PGAP2: variants seen among roughly 807,000 people sequenced by gnomAD.
The protein encoded by PGAP2 is post-GPI attachment to proteins 2, also known as acyltransferase PGAP2.
Under a neutral mutation model 33.2 loss-of-function variants are expected in PGAP2, and 21 were observed. The ratio of observed to expected loss-of-function variants is 0.63; its 90% CI spans 0.45 to 0.91. The LOEUF (loss-of-function observed/expected upper bound fraction) is 0.91. Among genes scored for constraint, PGAP2 ranks in the 40% least tolerant of loss-of-function variants. The pLI, the probability that PGAP2 is intolerant of heterozygous loss-of-function variation, is 0.00. For missense variants in PGAP2, 345 were observed against 424.0 expected (o/e 0.81, Z 1.64); for synonymous variants, 161 against 172.9 (o/e 0.93, Z 0.54).
At chr11:3,798,065 CAG>C (rs1254948249) in intron 1 of PGAP2, 21 of 1,510,782 alleles carry the variant, frequency 1.4e-5, no homozygotes, top group Admixed American at 1.2e-4. Flanking sequence ...ACTTCCCGCC[CAG>C]ACCACGTGCG....
At chr11:3,824,755 T>C (rs577225560) in intron 5 of PGAP2, 1 of 1,382,718 alleles carries the variant, frequency 7.2e-7, no homozygotes, top group Admixed American at 2.9e-5. Flanking sequence ...GTGGGGTTGG[T>C]GGGTGACTCC....
chr11:3,822,612 C>T (rs113421940), intron 3 of PGAP2, among the ~76,000 whole-genome samples: 4,996 of 152,038 alleles, frequency 0.033, 286 homozygotes, highest in African/African-American at 0.11. Flanking sequence ...CCAGCCTAGG[C>T]GACAGAGTGA....
At chr11:3,808,333 C>T, upstream of PGAP2, 12 of 1,551,376 alleles carry the variant, frequency 7.7e-6, no homozygotes, top group Non-Finnish European at 1.0e-5. Context: ...GACAAGGTGG[C>T]TTATCCAACA....
upstream of PGAP2, among the ~76,000 whole-genome samples, chr11:3,806,671 T>C (rs569141646): frequency 3.9e-5 from 6 of 152,334 alleles, no homozygotes; most frequent in Middle Eastern, 6.8e-3. Flanking sequence ...GGTTCTGGCA[T>C]GTATTAGCTG....
upstream of PGAP2, chr11:3,808,316 G>C (rs952965894): frequency 2.6e-6 from 4 of 1,551,528 alleles, no homozygotes; most frequent in Non-Finnish European, 3.5e-6. Flanking sequence ...CAGCTGAGAG[G>C]TAAGGCGACA....
At chr11:3,823,507 G>T in intron 3 of PGAP2, 2 of 1,195,344 alleles carry the variant, frequency 1.7e-6, no homozygotes, top group Non-Finnish European at 2.4e-6. Flanking sequence ...CCTGTCCTCT[G>T]GACTGAATCT....
chr11:3,826,218 G>C lies in PGAP2; in HGVS notation c.*760G>C, dbSNP rs756913606. 6.6e-6 allele frequency: 1 copy of C among 152,196 alleles called. No homozygotes were observed. Among genetic ancestry groups the C allele is most frequent in the Non-Finnish European group, 1.5e-5 (1 of 68,060 alleles). The allele number at this position is 152,196 out of a possible 1,614,324, so 9.4% of individuals were successfully genotyped here. On this transcript the variant is annotated 3_prime_UTR_variant, in exon 7 of 7. Transcript: ENST00000278243. ...CCCTCCCCTCCTTTGCAAAGGTATG[G>C]GATAGAGGGGTCAGATGCAGATCTC...
rs1446720547 is a variant in PGAP2 at position 3,811,869 on chromosome 11, G to A, written c.165+445G>A. On this transcript the variant is annotated intron_variant, in intron 2 of 6. Transcript: ENST00000278243. This position sits in a 1 kb window ranked among gnomAD's most constrained non-coding sequence, Gnocchi z 4.6. ...CAGGATTGGGCTAGAGGGTATTTTG[G>A]GCCTCTTAATGTAGCACTATGGGCT... 1.3e-5 allele frequency among the ~76,000 whole-genome samples: 2 copies of A among 152,164 alleles called. No homozygotes were observed. The highest frequency in any genetic ancestry group is 2.9e-5 in the Non-Finnish European group (2 of 68,036).
chr11:3,824,176 G>A, intron 4 of PGAP2, 41 bp downstream of exon 4: 1 of 1,613,106 alleles, frequency 6.2e-7, no homozygotes, highest in African/African-American at 1.3e-5. Context: ...AGTGTTCCCT[G>A]AGGGGACGGG....
At chr11:3,799,148 G>A (rs574955212) in intron 1 of PGAP2, among the ~76,000 whole-genome samples, 1 of 152,308 alleles carries the variant, frequency 6.6e-6, no homozygotes, top group Middle Eastern at 3.4e-3. Context: ...CCCATTAGCA[G>A]AAAACTGATA....
intron 6 of PGAP2, 79 bp downstream of exon 6, chr11:3,825,207 C>A: frequency 1.3e-6 from 2 of 1,560,560 alleles, no homozygotes; most frequent in Non-Finnish European, 1.8e-6. Context: ...GGGCAATGGT[C>A]TTGGGGACTG....
At chr11:3,821,554 T>C (rs1411248353) in intron 3 of PGAP2, among the ~76,000 whole-genome samples, 1 of 151,866 alleles carries the variant, frequency 6.6e-6, no homozygotes, top group Non-Finnish European at 1.5e-5. Flanking sequence ...GGTCAGGAGT[T>C]CTGAGACGAG....
chr11:3,806,126 G>C (rs2084291266), upstream of PGAP2, among the ~76,000 whole-genome samples: 1 of 152,104 alleles, frequency 6.6e-6, no homozygotes, highest in Admixed American at 6.6e-5. Flanking sequence ...TCAAGGTTTG[G>C]GCATTGGGGG....
At chr11:3,813,817 G>A (rs1242236122) in intron 2 of PGAP2, among the ~76,000 whole-genome samples, 1 of 152,176 alleles carries the variant, frequency 6.6e-6, no homozygotes, top group Non-Finnish European at 1.5e-5. Context: ...AACAGACTAG[G>A]CTGTTTGCTC....
At chr11:3,824,214 T>C in intron 4 of PGAP2, 56 bp from the exon 5 acceptor site, 17 of 1,612,340 alleles carry the variant, frequency 1.1e-5, no homozygotes, top group Non-Finnish European at 1.4e-5. Flanking sequence ...CGGACCTTCC[T>C]ACTTCGTGGT....
chr11:3,811,252 C>T lies in PGAP2; in HGVS notation c.-8C>T, dbSNP rs1336293348. 1 of 1,610,950 alleles carries T rather than the reference C, an allele frequency of 6.2e-7. No individual in the cohort carries two copies. The highest frequency in any genetic ancestry group is 8.5e-7 in the Non-Finnish European group (1 of 1,178,322). On this transcript the variant is annotated splice_region_variant and 5_prime_UTR_variant, in exon 2 of 7. Transcript: ENST00000278243. The surrounding 1 kb of genome is among the most constrained non-coding windows in gnomAD (Gnocchi z 4.6). The stretch of plus-strand genomic sequence containing the variant: ...ACAGCATGCCACTCCATCCCCAGGT[C>T]TGACAAGATGTACCAGGTCCCACTA...
At position 3,825,551 on chromosome 11, in the gene PGAP2, G is replaced by A; in HGVS notation, c.*93G>A. 1.5e-6 allele frequency: 2 copies of A among 1,344,892 alleles called. No homozygotes were observed. Among genetic ancestry groups the A allele is most frequent in the Admixed American group, 4.5e-5 (2 of 44,356 alleles). 83.3% of individuals were successfully genotyped at this position (1,344,892 alleles called of 1,614,324 possible). Reference sequence around the variant, plus strand: ...CCTTCCCCACCCCACATCCTCTCTTGGCCTTACTGAAGATGGGGGAAGGGT... The same window carrying A: ...CCTTCCCCACCCCACATCCTCTCTTAGCCTTACTGAAGATGGGGGAAGGGT... On this transcript the variant is annotated 3_prime_UTR_variant, in exon 7 of 7. Coordinates refer to ENST00000278243, the MANE Select transcript of PGAP2 (RefSeq NM_014489.4).
intron 4 of PGAP2, 57 bp downstream of exon 4, chr11:3,824,192 C>A: frequency 6.2e-7 from 1 of 1,612,688 alleles, no homozygotes. Context: ...ACGGGCCTGC[C>A]CCTACCACAT....
upstream of PGAP2, chr11:3,807,947 A>T: frequency 1.3e-6 from 1 of 784,946 alleles, no homozygotes; most frequent in Non-Finnish European, 1.7e-6. Flanking sequence ...CAATCCTCTC[A>T]TTGTGGGGAG....
Sources: gnomAD v4.1 joint callset for allele counts (sites outside exome capture counted in the v4.1 genomes callset) on GRCh38, gnomAD v4.1.1 for gene constraint, Gnocchi (gnomAD v3.1) non-coding constraint, MANE v1.5 for transcripts, NCBI Gene and HGNC (gene_info 2026-07-23, HGNC 2026-07-21) for gene names.